Variants in MTMR3 observed in about 807,000 individuals in gnomAD.
MTMR3 encodes the protein myotubularin related protein 3.
In MTMR3, 32 loss-of-function variants were observed where a neutral mutation model predicts 132.4. The observed-to-expected ratio is 0.24, with a 90% CI of 0.18 to 0.32. The LOEUF is 0.32. Ranked by LOEUF, MTMR3 falls within the 10% of genes least tolerant of loss-of-function variation. The pLI is 1.00. For missense variants in MTMR3, 1,216 were observed against 1,489.6 expected (o/e 0.82, Z 3.02); for synonymous variants, 556 against 550.3 (o/e 1.01, Z -0.14).
In MTMR3 at chr22:30,019,724, A is replaced by G. The variant is rs1321458746; in HGVS notation, c.2065A>G (p.Met689Val). 1.9e-6 allele frequency: 3 copies of G among 1,614,208 alleles called. No homozygotes were observed. The highest frequency in any genetic ancestry group is 1.7e-5 in the Admixed American group (1 of 60,034). ...TGCAGCCGGAGTAGCTGAGGGGCAG[A>G]TGGAGAACATCTTGCAGGAGGCCAC... ...SVAAGVAEGQ[M>V]ENILQEATKE... The change falls in exon 17 of 20, where the codon ATG becomes GTG. Residue 689 changes from methionine (M) to valine (V), a missense_variant. Coordinates refer to ENST00000401950, the MANE Select transcript of MTMR3 (RefSeq NM_021090.4).
chr22:29,966,226 C>A (rs2066412218), intron 2 of MTMR3, among the ~76,000 whole-genome samples: 1 of 152,106 alleles, frequency 6.6e-6, no homozygotes, highest in Non-Finnish European at 1.5e-5. Flanking sequence ...CATCACCACA[C>A]ACAAAAACCT....
intron 1 of MTMR3, among the ~76,000 whole-genome samples, chr22:29,885,837 A>G (rs1196726807): frequency 4.6e-5 from 7 of 152,244 alleles, no homozygotes; most frequent in Non-Finnish European, 8.8e-5. Flanking sequence ...GTAAAGTGGA[A>G]TGCTGTTACC....
intron 8 of MTMR3, chr22:30,001,081 C>T (rs777359089): frequency 6.6e-6 from 1 of 152,122 alleles, no homozygotes; most frequent in Non-Finnish European, 1.5e-5. Flanking sequence ...AGTGAGACCT[C>T]ATCTCTACAG....
chr22:29,924,212 C>G (rs1424062230), intron 1 of MTMR3, among the ~76,000 whole-genome samples: 1 of 152,082 alleles, frequency 6.6e-6, no homozygotes, highest in Non-Finnish European at 1.5e-5. Context: ...TAAATTAACT[C>G]ATGTTAATTA....
chr22:30,025,427 A>G (rs575446165), intron 19 of MTMR3: 8 of 593,144 alleles, frequency 1.3e-5, no homozygotes, highest in Middle Eastern at 4.4e-4. Flanking sequence ...CTTGGCCCCA[A>G]AGTGAAAATG....
intron 9 of MTMR3, 112 bp downstream of exon 9, chr22:30,003,105 T>A: frequency 1.3e-6 from 1 of 774,468 alleles, no homozygotes; most frequent in Non-Finnish European, 2.2e-6. Context: ...TCAGAGAACT[T>A]TCTAGGCAAG....
At chr22:29,958,326 A>G (rs1376233893) in intron 2 of MTMR3, among the ~76,000 whole-genome samples, 2 of 152,170 alleles carry the variant, frequency 1.3e-5, no homozygotes, top group East Asian at 3.8e-4. Flanking sequence ...TTAAGTTCCT[A>G]AATCCAGATC....
intron 17 of MTMR3, chr22:30,021,764 C>G: frequency 2.3e-6 from 1 of 433,756 alleles, no homozygotes; most frequent in Non-Finnish European, 4.1e-6. Context: ...GGTCACTTCC[C>G]TCTCACTCAC....
chr22:29,962,627 T>TA (rs1834147196), intron 2 of MTMR3, among the ~76,000 whole-genome samples: 2 of 152,106 alleles, frequency 1.3e-5, no homozygotes, highest in Admixed American at 1.3e-4. Flanking sequence ...ACCATGATCC[T>TA]GTGATTACAG....
chr22:29,974,210 C>T (rs570913601), intron 3 of MTMR3, among the ~76,000 whole-genome samples: 7 of 152,278 alleles, frequency 4.6e-5, no homozygotes, highest in East Asian at 1.9e-4. Flanking sequence ...ACCAGACCAG[C>T]GTTTCCCAAT....
chr22:29,988,365 CT>C, intron 5 of MTMR3, 114 bp from the exon 6 acceptor site: 1 of 625,242 alleles, frequency 1.6e-6, no homozygotes, highest in East Asian at 2.9e-5. Flanking sequence ...GTTTGCAGTT[CT>C]ATTTTTGTTG....
At chr22:29,935,070 C>T (rs185629653) in intron 1 of MTMR3, among the ~76,000 whole-genome samples, 2 of 152,168 alleles carry the variant, frequency 1.3e-5, no homozygotes, top group Admixed American at 1.3e-4. Flanking sequence ...GTAATGAAGA[C>T]GTTTTAAGAG....
At chr22:29,979,134 G>C in intron 5 of MTMR3, 82 bp downstream of exon 5, 1 of 920,818 alleles carries the variant, frequency 1.1e-6, no homozygotes, top group South Asian at 1.3e-5. Flanking sequence ...AGAGAGGAGA[G>C]GCATACAGAA....
In MTMR3 at chr22:30,022,110, T is replaced by TGG; in HGVS notation, c.3309_3310dup (p.Glu1104GlyfsTer11). ...CACAGAGATTTTCTCTGAAGCCAGC[T>TGG]GGGAGCAGGTGGATAAACAGGACAC... On this transcript the variant is annotated frameshift_variant, in exon 18 of 20. Transcript: ENST00000401950. LOFTEE classifies it high-confidence loss of function. The TGG allele has an allele frequency of 1.9e-6, 3 of 1,614,054 alleles. No homozygotes were observed. The highest frequency in any genetic ancestry group is 2.5e-6 in the Non-Finnish European group (3 of 1,179,880).
chr22:29,994,687 C>G (rs888911251), intron 7 of MTMR3: 6 of 152,282 alleles, frequency 3.9e-5, no homozygotes, highest in Non-Finnish European at 8.8e-5. Context: ...TCTTCTCTAC[C>G]TAGCCTGCTA....
chr22:30,014,936 A>G (rs1227245742), intron 14 of MTMR3: 3 of 152,218 alleles, frequency 2.0e-5, no homozygotes, highest in South Asian at 2.1e-4. Flanking sequence ...TGAGTCCCAC[A>G]TTTATACACC....
rs776983989 is a variant in MTMR3 at position 30,002,901 on chromosome 22, A to G, written c.579A>G (p.Gln193=). 1.9e-6 allele frequency: 3 copies of G among 1,613,586 alleles called. No individual in the cohort carries two copies. The highest frequency in any genetic ancestry group is 1.7e-5 in the Admixed American group (1 of 60,000). Residue 193 remains glutamine (Q), a synonymous_variant, in exon 9 of 20, where the codon CAA becomes CAG. Transcript: ENST00000401950. ...EKYKLCGSYP[Q]ELIVPAWITD... is the part of the protein sequence containing the mutation. Reference sequence around the variant, plus strand: ...TTAGATTATGTGGTAGCTATCCTCAAGAGCTCATAGTGCCTGCCTGGATCA... The same window carrying G: ...TTAGATTATGTGGTAGCTATCCTCAGGAGCTCATAGTGCCTGCCTGGATCA...
intron 1 of MTMR3, among the ~76,000 whole-genome samples, chr22:29,952,676 C>G (rs2066107183): frequency 6.8e-6 from 1 of 148,140 alleles, no homozygotes; most frequent in Non-Finnish European, 1.5e-5. Flanking sequence ...AATGAACATC[C>G]ACCACTTACC....
chr22:29,914,185 G>C (rs1161423806), intron 1 of MTMR3, among the ~76,000 whole-genome samples: 2 of 152,190 alleles, frequency 1.3e-5, no homozygotes, highest in East Asian at 3.8e-4. Context: ...TGTGTTTATA[G>C]TTTTTAAAGT....
Sources: gnomAD v4.1 joint callset for allele counts (sites outside exome capture counted in the v4.1 genomes callset) on GRCh38, gnomAD v4.1.1 for gene constraint, MANE v1.5 for transcripts, NCBI Gene and HGNC (gene_info 2026-07-23, HGNC 2026-07-21) for gene names.